SDK2: variants seen among roughly 807,000 people sequenced by gnomAD.
The protein encoded by SDK2 is protein sidekick-2.
Under a neutral mutation model 253.9 loss-of-function variants are expected in SDK2, and 105 were observed. The ratio of observed to expected loss-of-function variants is 0.41; its 90% CI spans 0.35 to 0.49. The LOEUF is 0.49. Among genes scored for constraint, SDK2 ranks in the 20% least tolerant of loss-of-function variants. The pLI is 0.06. For synonymous variants in SDK2, 1,249 were observed against 1,234.9 expected (o/e 1.01, Z -0.24); for missense variants, 2,608 against 3,003.0 (o/e 0.87, Z 3.07).
chr17:73,432,127 C>T (rs538184315), intron 10 of SDK2, among the ~76,000 whole-genome samples: 11 of 151,822 alleles, frequency 7.2e-5, no homozygotes, highest in South Asian at 4.2e-4. Flanking sequence ...AGGGAAGTGA[C>T]GGGAGCTGCC....
intron 2 of SDK2, among the ~76,000 whole-genome samples, chr17:73,502,436 A>AT (rs982573182): frequency 6.3e-5 from 5 of 79,546 alleles, no homozygotes; most frequent in African/African-American, 1.8e-4. Context: ...AACCTGGAAC[A>AT]TTTTTTGAGC....
intron 10 of SDK2, among the ~76,000 whole-genome samples, chr17:73,432,642 T>G: frequency 7.3e-6 from 1 of 137,374 alleles, no homozygotes; most frequent in South Asian, 2.2e-4. Context: ...ACCAAATGCA[T>G]GAGAAGGTGG....
chr17:73,604,049 C>G (rs1489232676), intron 1 of SDK2, among the ~76,000 whole-genome samples: 1 of 152,246 alleles, frequency 6.6e-6, no homozygotes, highest in Admixed American at 6.5e-5. Flanking sequence ...GCAGCAGATC[C>G]CCTGGAGATT....
intron 2 of SDK2, among the ~76,000 whole-genome samples, chr17:73,486,016 G>A (rs1327976295): frequency 6.6e-6 from 1 of 152,222 alleles, no homozygotes; most frequent in Non-Finnish European, 1.5e-5. Context: ...ACTGGAGAGA[G>A]GTGATGGGGC....
At chr17:73,483,629 A>G (rs188646125) in intron 2 of SDK2, among the ~76,000 whole-genome samples, 2,733 of 98,316 alleles carry the variant, frequency 0.028, 72 homozygotes, top group Non-Finnish European at 0.039. Flanking sequence ...ATATATGTAT[A>G]TGTATATATA....
At chr17:73,611,222 ACTCT>A (rs148784352) in intron 1 of SDK2, among the ~76,000 whole-genome samples, 8 of 150,090 alleles carry the variant, frequency 5.3e-5, no homozygotes, top group Non-Finnish European at 1.0e-4. Context: ...CTTTTATCCC[ACTCT>A]CTCTCTCTCT....
chr17:73,537,128 C>T (rs900347542), intron 1 of SDK2, among the ~76,000 whole-genome samples: 5 of 152,080 alleles, frequency 3.3e-5, no homozygotes, highest in South Asian at 4.1e-4. Context: ...TGTGCGGGCG[C>T]GCATCATGTG....
intron 44 of SDK2, among the ~76,000 whole-genome samples, chr17:73,339,377 C>A (rs1157864106): frequency 6.6e-6 from 1 of 151,944 alleles, no homozygotes; most frequent in East Asian, 1.9e-4. Context: ...CAGACATGTG[C>A]CACCACGCCT....
chr17:73,571,520 G>T lies in SDK2; in HGVS notation c.65-63923C>A, dbSNP rs1316584043. Among the ~76,000 whole-genome samples the T allele has an allele frequency of 4.6e-5, 7 of 152,334 alleles. No individual in the cohort carries two copies. The South Asian group carries it at 6.2e-4, about 14-fold the overall frequency. On this transcript the variant is annotated intron_variant, in intron 1 of 44. Transcript: ENST00000392650. Reference sequence around the variant, plus strand: ...TCTGGGTCCTGGGGGGAACATGTGGGAGTCCAGCCCGGTGGCCCCCCGGGC... The same window carrying T: ...TCTGGGTCCTGGGGGGAACATGTGGTAGTCCAGCCCGGTGGCCCCCCGGGC...
intron 15 of SDK2, 93 bp downstream of exon 15, chr17:73,422,194 G>A: frequency 1.4e-6 from 2 of 1,420,708 alleles, no homozygotes; most frequent in Non-Finnish European, 9.6e-7. Context: ...GGGGCCAGGA[G>A]GAGCTGAGCC....
chr17:73,635,206 T>C (rs974079182), intron 1 of SDK2, among the ~76,000 whole-genome samples: 1 of 152,154 alleles, frequency 6.6e-6, no homozygotes, highest in African/African-American at 2.4e-5. Flanking sequence ...CAGGCTGGTC[T>C]TGAACGCCTG....
intron 1 of SDK2, among the ~76,000 whole-genome samples, chr17:73,549,204 G>A (rs1409867434): frequency 6.6e-6 from 1 of 152,192 alleles, no homozygotes; most frequent in Non-Finnish European, 1.5e-5. Context: ...CCGGAGTGAG[G>A]AGCAGGGAGG....
At chr17:73,474,618 C>G (rs1264270996) in intron 2 of SDK2, among the ~76,000 whole-genome samples, 1 of 152,206 alleles carries the variant, frequency 6.6e-6, no homozygotes, top group Admixed American at 6.5e-5. Flanking sequence ...GGCGGGGAGA[C>G]AGCAGTGCCC....
intron 1 of SDK2, among the ~76,000 whole-genome samples, chr17:73,545,638 G>A (rs974849277): frequency 6.6e-6 from 1 of 152,012 alleles, no homozygotes; most frequent in African/African-American, 2.4e-5. Flanking sequence ...TGGGAGGTTG[G>A]GGGACAGCAC....
intron 2 of SDK2, among the ~76,000 whole-genome samples, chr17:73,476,091 A>G (rs1460852620): frequency 6.6e-6 from 1 of 152,244 alleles, no homozygotes; most frequent in Non-Finnish European, 1.5e-5. Context: ...CAGCCTGGGC[A>G]ACAAAGACTC....
intron 38 of SDK2, 131 bp downstream of exon 38, chr17:73,365,127 T>A: frequency 1.6e-6 from 1 of 609,964 alleles, no homozygotes; most frequent in Non-Finnish European, 2.5e-6. Context: ...TGGGACTCAG[T>A]TTCCGTGTTT....
At chr17:73,544,883 C>T (rs569050330) in intron 1 of SDK2, among the ~76,000 whole-genome samples, 1,544 of 152,268 alleles carry the variant, frequency 0.01, 31 homozygotes, top group African/African-American at 0.036. Flanking sequence ...CCTTCACCAT[C>T]AGGAGTGAAT....
chr17:73,365,167 A>G, intron 38 of SDK2, 91 bp downstream of exon 38: 1 of 930,890 alleles, frequency 1.1e-6, no homozygotes, highest in Non-Finnish European at 1.5e-6. Flanking sequence ...ACCGAATCTC[A>G]CTCATGTGTA....
chr17:73,512,265 G>A (rs770296708), intron 1 of SDK2, among the ~76,000 whole-genome samples: 18 of 152,244 alleles, frequency 1.2e-4, no homozygotes, highest in African/African-American at 3.1e-4. Flanking sequence ...AGCCTGGCAC[G>A]TGCTAGGAGG....
Sources: allele counts gnomAD v4.1 joint callset (sites outside exome capture counted in the v4.1 genomes callset), GRCh38; gene constraint gnomAD v4.1.1; transcripts MANE v1.5; gene names NCBI Gene and HGNC (gene_info 2026-07-23, HGNC 2026-07-21).